The following BMAL1 variants were observed in gnomAD, a reference collection of about 807,000 sequenced individuals.
BMAL1 encodes the protein basic helix-loop-helix ARNT like 1.
At chr11:13,328,162 C>T in the BMAL1 span, among the ~76,000 whole-genome samples, 349 of 152,196 alleles carry the variant, frequency 2.3e-3, 1 homozygote, top group South Asian at 5.6e-3. Context: ...TCTAGAGGAT[C>T]GACTGGAGAG....
At chr11:13,280,832 CCCCATCGTCCCCTCATCTCCT>C in the BMAL1 span, among the ~76,000 whole-genome samples, 3 of 152,166 alleles carry the variant, frequency 2.0e-5, no homozygotes, top group Non-Finnish European at 4.4e-5. Context: ...CTGTCTCTAT[CCCCATCGTCCCCTCATCTCCT>C]CCCAATTCAG....
the BMAL1 span, among the ~76,000 whole-genome samples, chr11:13,291,887 T>C: frequency 1.3e-5 from 2 of 152,122 alleles, no homozygotes; most frequent in Admixed American, 6.5e-5. Flanking sequence ...AAGGCTTTAA[T>C]AGATGATAAA....
chr11:13,366,458 C>T, the BMAL1 span, among the ~76,000 whole-genome samples: 6 of 152,250 alleles, frequency 3.9e-5, no homozygotes, highest in South Asian at 2.1e-4. Flanking sequence ...AGGGTTTTCC[C>T]GTCATGTTAT....
the BMAL1 span, among the ~76,000 whole-genome samples, chr11:13,364,496 T>C: frequency 6.6e-6 from 1 of 152,346 alleles, no homozygotes; most frequent in East Asian, 1.9e-4. Context: ...AAAGAGCAGA[T>C]TAAGGACCAG....
At chr11:13,370,116 A>G in the BMAL1 span, among the ~76,000 whole-genome samples, 2 of 152,228 alleles carry the variant, frequency 1.3e-5, no homozygotes, top group South Asian at 4.1e-4. Flanking sequence ...ATGTTGTTAA[A>G]TGCGATGAAC....
At chr11:13,360,574 G>T in the BMAL1 span, 2 of 678,130 alleles carry the variant, frequency 2.9e-6, no homozygotes, top group East Asian at 5.7e-5. Context: ...TTATTGTTTG[G>T]ACAGGCTTCA....
the BMAL1 span, among the ~76,000 whole-genome samples, chr11:13,282,211 A>G: frequency 6.6e-6 from 1 of 152,276 alleles, no homozygotes; most frequent in African/African-American, 2.4e-5. Flanking sequence ...TTCACATCCT[A>G]AGTATTCCCT....
the BMAL1 span, among the ~76,000 whole-genome samples, chr11:13,316,867 C>T: frequency 3.9e-5 from 6 of 152,196 alleles, no homozygotes; most frequent in African/African-American, 4.8e-5. Context: ...GCCTCTAAGA[C>T]GCCTGCTTCA....
the BMAL1 span, among the ~76,000 whole-genome samples, chr11:13,284,025 C>A: frequency 6.7e-6 from 1 of 150,228 alleles, no homozygotes; most frequent in Non-Finnish European, 1.5e-5. Context: ...CACCTTCGTC[C>A]TTTTCTCCCT....
chr11:13,306,208 G>A, the BMAL1 span, among the ~76,000 whole-genome samples: 1 of 152,086 alleles, frequency 6.6e-6, no homozygotes, highest in Non-Finnish European at 1.5e-5. Flanking sequence ...CGTTCTGTAG[G>A]TGCAGGAGGG....
chr11:13,377,566 C>G, the BMAL1 span, among the ~76,000 whole-genome samples: 1 of 152,206 alleles, frequency 6.6e-6, no homozygotes, highest in Non-Finnish European at 1.5e-5. Flanking sequence ...GTAGTTCATT[C>G]TCCCTGCCGT....
At chr11:13,338,189 T>G in the BMAL1 span, among the ~76,000 whole-genome samples, 19 of 150,212 alleles carry the variant, frequency 1.3e-4, no homozygotes, top group East Asian at 3.9e-4. Context: ...AGTTTGTGGG[T>G]TTTTTTTTTA....
the BMAL1 span, among the ~76,000 whole-genome samples, chr11:13,378,031 A>G: frequency 6.6e-6 from 1 of 152,220 alleles, no homozygotes; most frequent in South Asian, 2.1e-4. Flanking sequence ...CCTTGAGGGC[A>G]GGGACTTGTC....
chr11:13,295,505 G>A, the BMAL1 span, among the ~76,000 whole-genome samples: 1 of 152,068 alleles, frequency 6.6e-6, no homozygotes, highest in Non-Finnish European at 1.5e-5. Context: ...TGTGTCCTCT[G>A]GGCTTTCTGG....
the BMAL1 span, among the ~76,000 whole-genome samples, chr11:13,283,533 A>T: frequency 2.0e-5 from 3 of 152,178 alleles, no homozygotes; most frequent in Non-Finnish European, 2.9e-5. Context: ...GGCTTGGGGC[A>T]GAATTTGTGC....
the BMAL1 span, among the ~76,000 whole-genome samples, chr11:13,331,214 G>A: frequency 6.6e-6 from 1 of 152,226 alleles, no homozygotes; most frequent in African/African-American, 2.4e-5. Context: ...AGCAGACCAA[G>A]ATATGTGTAT....
the BMAL1 span, among the ~76,000 whole-genome samples, chr11:13,320,070 C>T: frequency 2.0e-5 from 3 of 152,218 alleles, no homozygotes; most frequent in African/African-American, 4.8e-5. Context: ...CTCATGTTTA[C>T]GAAGGTTTGA....
chr11:13,369,518 C>A, the BMAL1 span: 2 of 1,381,354 alleles, frequency 1.4e-6, no homozygotes, highest in Non-Finnish European at 2.0e-6. Context: ...CATTATAAAA[C>A]AGTGAGGCAG....
At chr11:13,333,540 A>C in the BMAL1 span, among the ~76,000 whole-genome samples, 1 of 152,194 alleles carries the variant, frequency 6.6e-6, no homozygotes, top group Admixed American at 6.5e-5. Flanking sequence ...CACCCTGGCT[A>C]TCAGCACTTA....
Sources: allele counts gnomAD v4.1 joint callset (sites outside exome capture counted in the v4.1 genomes callset), GRCh38; gene constraint gnomAD v4.1.1; transcripts MANE v1.5; gene names NCBI Gene and HGNC (gene_info 2026-07-23, HGNC 2026-07-21).